Variants in PPTC7 observed in about 807,000 individuals in gnomAD.
The protein encoded by PPTC7 is protein phosphatase targeting COQ7.
PPTC7 carries 6 observed loss-of-function variants against 30.8 expected under a neutral mutation model. That is an observed-to-expected ratio of 0.19 (90% CI 0.11 to 0.38). The LOEUF (loss-of-function observed/expected upper bound fraction) is 0.38. PPTC7 is among the 10% of genes least tolerant of loss of function. The probability of loss-of-function intolerance (pLI) is 1.00; values close to 1 mark genes in which losing one functional copy is unlikely to be tolerated. For missense variants in PPTC7, 218 were observed against 404.8 expected (o/e 0.54, Z 3.96); for synonymous variants, 163 against 168.1 (o/e 0.97, Z 0.23).
Position 110,583,280 on chromosome 12 carries a change from G to A in PPTC7, c.-249C>T. The A allele has an allele frequency of 5.9e-6, 1 of 170,930 alleles. No homozygotes were observed. The highest frequency in any genetic ancestry group is 1.2e-5 in the Non-Finnish European group (1 of 81,488). 10.6% of individuals were successfully genotyped at this position (170,930 alleles called of 1,614,324 possible). On this transcript the variant is annotated 5_prime_UTR_variant, in exon 1 of 6. Coordinates refer to ENST00000354300, the MANE Select transcript of PPTC7 (RefSeq NM_139283.2). ...CAGCCCAACTGAAGTCCCGGCTGCA[G>A]CGGCCGCCGCCGCCGCCGCCATCTT...
intron 1 of PPTC7, among the ~76,000 whole-genome samples, chr12:110,569,265 G>A (rs1006975947): frequency 2.0e-5 from 3 of 151,496 alleles, no homozygotes; most frequent in Admixed American, 1.3e-4. Context: ...CCCAGGAGGC[G>A]GAGGTTGAAG....
At chr12:110,550,374 G>A (rs1244876789) in intron 2 of PPTC7, among the ~76,000 whole-genome samples, 1 of 151,890 alleles carries the variant, frequency 6.6e-6, no homozygotes, top group African/African-American at 2.4e-5. Context: ...GGGACCACAG[G>A]TGCCCACCAC....
rs76834275 is a variant in PPTC7 at position 110,553,039 on chromosome 12, T to A, written c.224-1071A>T. Among the ~76,000 whole-genome samples the A allele has an allele frequency of 5.9e-3, 893 of 151,166 alleles. 9 individuals carry two copies. Among genetic ancestry groups the A allele is most frequent in the African/African-American group, 0.02 (837 of 41,232 alleles). ...TCTACTAAAAATACAAAAAATTAGA[T>A]GGGTGTGGTGGCAGGCAACTGAAAT... On this transcript the variant is annotated intron_variant, in intron 1 of 5. Transcript: ENST00000354300.
chr12:110,534,276 T>C lies in PPTC7; in HGVS notation c.*2761A>G, dbSNP rs1360300845. The C allele has an allele frequency of 6.6e-6, 1 of 152,178 alleles. No homozygotes were observed. The highest frequency in any genetic ancestry group is 1.5e-5 in the Non-Finnish European group (1 of 68,038). The allele number at this position is 152,178 out of a possible 1,614,324, so 9.4% of individuals were successfully genotyped here. ...ATAATACAGTATTGCTTTATAAATATAGATGGAAAAGCTATAAACTTTACT... is the reference window on the plus strand; with the variant it reads ...ATAATACAGTATTGCTTTATAAATACAGATGGAAAAGCTATAAACTTTACT... On this transcript the variant is annotated 3_prime_UTR_variant, in exon 6 of 6. Transcript: ENST00000354300.
chr12:110,556,787 T>A (rs1310847596), intron 1 of PPTC7, among the ~76,000 whole-genome samples: 1 of 151,728 alleles, frequency 6.6e-6, no homozygotes, highest in Non-Finnish European at 1.5e-5. Flanking sequence ...GCTAGTGGGG[T>A]GCTAGACTTC....
intron 3 of PPTC7, among the ~76,000 whole-genome samples, chr12:110,541,838 G>A (rs920368076): frequency 1.1e-4 from 17 of 151,264 alleles, no homozygotes; most frequent in African/African-American, 1.7e-4. Flanking sequence ...CATGTAACAC[G>A]TCTTCAAGAA....
At chr12:110,541,806 G>A (rs763107434) in intron 3 of PPTC7, among the ~76,000 whole-genome samples, 5 of 151,554 alleles carry the variant, frequency 3.3e-5, no homozygotes, top group Non-Finnish European at 7.4e-5. Flanking sequence ...GTCATCATAC[G>A]TAGGTATTTA....
At chr12:110,558,637 GT>G (rs1356753752) in intron 1 of PPTC7, among the ~76,000 whole-genome samples, 1 of 152,184 alleles carries the variant, frequency 6.6e-6, no homozygotes, top group African/African-American at 2.4e-5. Flanking sequence ...GTTTGTTTTT[GT>G]TTTTTGAGAC....
In PPTC7 at chr12:110,536,359, T is replaced by C. The variant is rs576654033; in HGVS notation, c.*678A>G. The C allele has an allele frequency of 9.2e-5, 14 of 152,356 alleles. No individual in the cohort carries two copies. The highest frequency in any genetic ancestry group is 3.4e-4 in the African/African-American group (14 of 41,592). 9.4% of individuals were successfully genotyped at this position (152,356 alleles called of 1,614,324 possible). A position where few individuals can be genotyped will look rare whatever the true frequency, so the allele number is the denominator to read the frequency against. On this transcript the variant is annotated 3_prime_UTR_variant, in exon 6 of 6. Transcript: ENST00000354300. ...ACTAATCAATAAACTGCCAAAACTTTAACCACAGGAACACAAACATCTTTT... is the reference window on the plus strand; with the variant it reads ...ACTAATCAATAAACTGCCAAAACTTCAACCACAGGAACACAAACATCTTTT...
At chr12:110,562,101 G>A (rs1018686547) in intron 1 of PPTC7, among the ~76,000 whole-genome samples, 4 of 151,862 alleles carry the variant, frequency 2.6e-5, no homozygotes, top group Admixed American at 2.6e-4. Flanking sequence ...GGGTGAAAGA[G>A]CAAGACACTG....
intron 1 of PPTC7, among the ~76,000 whole-genome samples, chr12:110,576,893 C>A (rs1440859435): frequency 6.6e-6 from 1 of 152,092 alleles, no homozygotes; most frequent in African/African-American, 2.4e-5. Context: ...AGGGGCTGGG[C>A]ACGTGGTTCA....
intron 1 of PPTC7, among the ~76,000 whole-genome samples, chr12:110,568,759 T>G (rs1424481032): frequency 6.6e-6 from 1 of 152,028 alleles, no homozygotes; most frequent in Admixed American, 6.6e-5. Flanking sequence ...AGCCAAAAAC[T>G]CCAAAGGGAT....
At chr12:110,560,124 G>A (rs1593156496) in intron 1 of PPTC7, among the ~76,000 whole-genome samples, 1 of 152,138 alleles carries the variant, frequency 6.6e-6, no homozygotes, top group East Asian at 1.9e-4. Flanking sequence ...TTATGACCAG[G>A]CGTGGTAGCT....
intron 2 of PPTC7, among the ~76,000 whole-genome samples, chr12:110,548,821 A>G (rs2064330369): frequency 6.6e-6 from 1 of 152,152 alleles, no homozygotes; most frequent in African/African-American, 2.4e-5. Flanking sequence ...AGCACCAACA[A>G]GTATAAGCCC....
At chr12:110,550,286 A>G (rs1027229011) in intron 2 of PPTC7, among the ~76,000 whole-genome samples, 13 of 135,368 alleles carry the variant, frequency 9.6e-5, no homozygotes, top group South Asian at 6.8e-4. Flanking sequence ...GCTGGAGTGC[A>G]GTGGCGCGAT....
chr12:110,583,082 G>A lies in PPTC7; in HGVS notation c.-51C>T, dbSNP rs1211098428. The A allele has an allele frequency of 3.0e-6, 4 of 1,315,840 alleles. No individual in the cohort carries two copies. The highest frequency in any genetic ancestry group is 3.9e-6 in the Non-Finnish European group (4 of 1,033,152). 81.5% of individuals were successfully genotyped at this position (1,315,840 alleles called of 1,614,324 possible). A position where few individuals can be genotyped will look rare whatever the true frequency, so the allele number is the denominator to read the frequency against. On this transcript the variant is annotated 5_prime_UTR_variant, in exon 1 of 6. Coordinates refer to ENST00000354300, the MANE Select transcript of PPTC7 (RefSeq NM_139283.2). ...CGGGGGGCCGGGGGAGCAGGAGGACGCGGAGGCCCGGAGCCGGCTCTCTCC... is the reference window on the plus strand; with the variant it reads ...CGGGGGGCCGGGGGAGCAGGAGGACACGGAGGCCCGGAGCCGGCTCTCTCC...
At chr12:110,553,049 G>A (rs1185253420) in intron 1 of PPTC7, among the ~76,000 whole-genome samples, 1 of 151,922 alleles carries the variant, frequency 6.6e-6, no homozygotes, top group Non-Finnish European at 1.5e-5. Flanking sequence ...TGGGTGTGGT[G>A]GCAGGCAACT....
chr12:110,573,755 G>A (rs1316652834), intron 1 of PPTC7, among the ~76,000 whole-genome samples: 1 of 151,980 alleles, frequency 6.6e-6, no homozygotes, highest in Non-Finnish European at 1.5e-5. Context: ...GCCGAGGCGG[G>A]CAGATTACTT....
intron 1 of PPTC7, among the ~76,000 whole-genome samples, chr12:110,556,284 A>G (rs1416206529): frequency 6.6e-6 from 1 of 152,234 alleles, no homozygotes; most frequent in African/African-American, 2.4e-5. Flanking sequence ...GAAATTCAAA[A>G]AGCATATAAA....
Sources: allele counts gnomAD v4.1 joint callset (sites outside exome capture counted in the v4.1 genomes callset), GRCh38; gene constraint gnomAD v4.1.1; transcripts MANE v1.5; gene names NCBI Gene and HGNC (gene_info 2026-07-23, HGNC 2026-07-21).